AIG1: variants seen among roughly 807,000 people sequenced by gnomAD.
AIG1 encodes androgen-induced gene 1 protein.
In AIG1, 23 loss-of-function variants were observed where a neutral mutation model predicts 31.4. The observed-to-expected ratio is 0.73, with a 90% CI of 0.53 to 1.04. AIG1 has a LOEUF of 1.04. Ranked by LOEUF, AIG1 falls within the 50% of genes least tolerant of loss-of-function variation. The pLI, the probability that AIG1 is intolerant of heterozygous loss-of-function variation, is 0.00. For missense variants in AIG1, 274 were observed against 295.0 expected, an observed-to-expected ratio of 0.93 and a Z score of 0.52; for synonymous variants, 100 against 110.5, an observed-to-expected ratio of 0.90 and a Z score of 0.60.
At chr6:143,306,842 C>G (rs201980138) in intron 4 of AIG1, among the ~76,000 whole-genome samples, 1 of 152,212 alleles carries the variant, frequency 6.6e-6, no homozygotes, top group South Asian at 2.1e-4. Flanking sequence ...GTACACCAAT[C>G]AGACATAGAT....
At chr6:143,071,483 C>T (rs139399825) in intron 1 of AIG1, among the ~76,000 whole-genome samples, 41 of 152,270 alleles carry the variant, frequency 2.7e-4, no homozygotes, top group African/African-American at 9.6e-4. Flanking sequence ...GTGATAGTTG[C>T]AATTTTTAGT....
At chr6:143,157,196 A>T (rs1785861632) in intron 2 of AIG1, among the ~76,000 whole-genome samples, 1 of 152,238 alleles carries the variant, frequency 6.6e-6, no homozygotes, top group South Asian at 2.1e-4. Flanking sequence ...ATTAGGAGTA[A>T]AAAGCAATTT....
intron 3 of AIG1, among the ~76,000 whole-genome samples, chr6:143,201,521 A>C (rs915146247): frequency 1.3e-5 from 2 of 152,230 alleles, no homozygotes; most frequent in African/African-American, 2.4e-5. Context: ...TATACTAAGA[A>C]GTTAAGCTCT....
At chr6:143,221,932 C>T (rs146811420) in intron 3 of AIG1, among the ~76,000 whole-genome samples, 1,607 of 152,208 alleles carry the variant, frequency 0.011, 30 homozygotes, top group African/African-American at 0.037. Flanking sequence ...GTACTACAGT[C>T]GACAGGATGA....
At chr6:143,175,045 C>G (rs1336504977) in intron 3 of AIG1, among the ~76,000 whole-genome samples, 2 of 152,140 alleles carry the variant, frequency 1.3e-5, no homozygotes, top group Non-Finnish European at 2.9e-5. Context: ...CTGAGAAAGA[C>G]TATATTTCCT....
chr6:143,132,813 T>C (rs190906458), intron 1 of AIG1, among the ~76,000 whole-genome samples: 42 of 152,218 alleles, frequency 2.8e-4, no homozygotes, highest in African/African-American at 9.9e-4. Flanking sequence ...ATGTATTCAA[T>C]TTTTAATCTT....
intron 3 of AIG1, among the ~76,000 whole-genome samples, chr6:143,225,234 C>A (rs924416683): frequency 1.3e-5 from 2 of 152,296 alleles, no homozygotes; most frequent in East Asian, 3.9e-4. Context: ...AGCTCTCCCC[C>A]ACCCTAAATT....
chr6:143,275,166 G>A (rs976573760), intron 3 of AIG1, among the ~76,000 whole-genome samples: 1 of 152,186 alleles, frequency 6.6e-6, no homozygotes, highest in Non-Finnish European at 1.5e-5. Context: ...TAGAAAGGGG[G>A]AAATTGTAGG....
intron 1 of AIG1, among the ~76,000 whole-genome samples, chr6:143,086,267 G>C (rs2128472457): frequency 6.6e-6 from 1 of 152,288 alleles, no homozygotes; most frequent in East Asian, 1.9e-4. Flanking sequence ...TCATGGAGAA[G>C]ACCTTCAATT....
At position 143,284,046 on chromosome 6, in the gene AIG1, G is replaced by A; in HGVS notation, c.400-64G>A. ...TTATAGTGTGCATTCTCCTACTGGTGAAAAAACAACTATAGAGAGACAATG... is the reference window on the plus strand; with the variant it reads ...TTATAGTGTGCATTCTCCTACTGGTAAAAAAACAACTATAGAGAGACAATG... On this transcript the variant is annotated intron_variant, in intron 3 of 5. Transcript: ENST00000357847. This position sits in a 1 kb window ranked among gnomAD's most constrained non-coding sequence, Gnocchi z 4.4. The A allele has an allele frequency of 1.6e-6, 2 of 1,286,480 alleles. No individual in the cohort carries two copies. Among genetic ancestry groups the A allele is most frequent in the Non-Finnish European group, 2.2e-6 (2 of 898,908 alleles). The allele number at this position is 1,286,480 out of a possible 1,614,324, so 79.7% of individuals were successfully genotyped here.
intron 1 of AIG1, among the ~76,000 whole-genome samples, chr6:143,101,468 A>T (rs911607884): frequency 4.6e-5 from 7 of 152,202 alleles, no homozygotes; most frequent in African/African-American, 1.4e-4. Flanking sequence ...AGATAGGATT[A>T]AGGGTCTAGA....
At chr6:143,113,867 C>T (rs932912948) in intron 1 of AIG1, among the ~76,000 whole-genome samples, 5 of 151,862 alleles carry the variant, frequency 3.3e-5, no homozygotes, top group African/African-American at 7.3e-5. Flanking sequence ...CTCTGCCTCC[C>T]GGGTTCATGG....
intron 1 of AIG1, among the ~76,000 whole-genome samples, chr6:143,123,705 A>T (rs1782425530): frequency 6.6e-6 from 1 of 152,096 alleles, no homozygotes; most frequent in African/African-American, 2.4e-5. Context: ...TATTTGGGCT[A>T]CTTTCTATTT....
At chr6:143,102,685 T>C (rs973034728) in intron 1 of AIG1, among the ~76,000 whole-genome samples, 2 of 151,492 alleles carry the variant, frequency 1.3e-5, no homozygotes, top group African/African-American at 2.4e-5. Context: ...TAGTGGTTGA[T>C]ATTGTTTTTT....
intron 1 of AIG1, among the ~76,000 whole-genome samples, chr6:143,129,285 C>A (rs1215311239): frequency 6.6e-6 from 1 of 151,718 alleles, no homozygotes; most frequent in African/African-American, 2.4e-5. Flanking sequence ...AGTGAGACTC[C>A]GTCTCAAAAA....
At chr6:143,264,073 A>G (rs962717826) in intron 3 of AIG1, among the ~76,000 whole-genome samples, 3 of 152,230 alleles carry the variant, frequency 2.0e-5, no homozygotes, top group Non-Finnish European at 2.9e-5. Flanking sequence ...TTCTTGCAAC[A>G]TGACAGATTC....
chr6:143,280,880 T>TA lies in AIG1; in HGVS notation c.400-3222dup, dbSNP rs1035569663. Among the ~76,000 whole-genome samples the TA allele has an allele frequency of 3.9e-5, 6 of 151,962 alleles. No individual in the cohort carries two copies. The highest frequency in any genetic ancestry group is 2.0e-4 in the Admixed American group (3 of 15,246). ...GTATCCCCAAATCTAAAATAAAAGTTAAAAAAAAGTTCTGACTTTATGCTA... is the reference window on the plus strand; with the variant it reads ...GTATCCCCAAATCTAAAATAAAAGTTAAAAAAAAAGTTCTGACTTTATGCTA... On this transcript the variant is annotated intron_variant, in intron 3 of 5. Coordinates refer to ENST00000357847, the MANE Select transcript of AIG1 (RefSeq NM_016108.4). This position sits in a 1 kb window ranked among gnomAD's most constrained non-coding sequence, Gnocchi z 4.1.
chr6:143,288,124 T>G lies in AIG1; in HGVS notation c.515+3899T>G, dbSNP rs1161391837. 6.6e-6 allele frequency among the ~76,000 whole-genome samples: 1 copy of G among 152,114 alleles called. No homozygotes were observed. The highest frequency in any genetic ancestry group is 1.5e-5 in the Non-Finnish European group (1 of 68,014). ...GGTGCAGCCGTCTGGGGCTGAATCT[T>G]TTCCCGGGCTGGCTCCACCCTCACT... On this transcript the variant is annotated intron_variant, in intron 4 of 5. Coordinates refer to ENST00000357847, the MANE Select transcript of AIG1 (RefSeq NM_016108.4). The surrounding 1 kb of genome is among the most constrained non-coding windows in gnomAD (Gnocchi z 4.4).
intron 4 of AIG1, among the ~76,000 whole-genome samples, chr6:143,306,029 C>G (rs1016086910): frequency 2.7e-5 from 4 of 148,248 alleles, no homozygotes; most frequent in Non-Finnish European, 4.5e-5. Context: ...TCTGTTTTAT[C>G]ACAGACTAGG....
Sources: allele counts gnomAD v4.1 joint callset (sites outside exome capture counted in the v4.1 genomes callset), GRCh38; gene constraint gnomAD v4.1.1; non-coding constraint Gnocchi (gnomAD v3.1); transcripts MANE v1.5; gene names NCBI Gene and HGNC (gene_info 2026-07-23, HGNC 2026-07-21).